Variants in CDYL observed in about 807,000 individuals in gnomAD.
CDYL encodes the protein chromodomain Y-like protein.
CDYL carries 8 observed loss-of-function variants against 47.3 expected under a neutral mutation model. The ratio of observed to expected loss-of-function variants is 0.17; its 90% CI spans 0.10 to 0.31. The LOEUF (loss-of-function observed/expected upper bound fraction) is 0.31, where lower values mean the gene tolerates loss of function less well. CDYL is among the 10% of genes least tolerant of loss of function. CDYL has a pLI of 1.00. For synonymous variants in CDYL, 266 were observed against 265.0 expected (o/e 1.00, Z -0.04); for missense variants, 471 against 701.4 (o/e 0.67, Z 3.71).
At chr6:4,862,016 C>T (rs78176873) in intron 1 of CDYL, among the ~76,000 whole-genome samples, 2,073 of 152,264 alleles carry the variant, frequency 0.014, 115 homozygotes, top group Admixed American at 0.098. Flanking sequence ...TAAAGGGACC[C>T]TGCCTCCTCC....
At chr6:4,941,578 A>C (rs1017006177) in intron 4 of CDYL, among the ~76,000 whole-genome samples, 1 of 152,232 alleles carries the variant, frequency 6.6e-6, no homozygotes, top group African/African-American at 2.4e-5. Flanking sequence ...TGAAGTCACC[A>C]TTCCAGGCAA....
At chr6:4,853,407 A>G (rs1168333772) in intron 1 of CDYL, among the ~76,000 whole-genome samples, 1 of 152,202 alleles carries the variant, frequency 6.6e-6, no homozygotes, top group Non-Finnish European at 1.5e-5. Context: ...CTGCATCTGA[A>G]TCCAGGACTT....
At chr6:4,777,121 C>A (rs1459175219) in intron 1 of CDYL, among the ~76,000 whole-genome samples, 1 of 147,216 alleles carries the variant, frequency 6.8e-6, no homozygotes, top group Non-Finnish European at 1.5e-5. Context: ...GGAAGTGGTG[C>A]CTCCGTTGCC....
At chr6:4,711,130 GTCTC>G (rs770356443) in intron 1 of CDYL, among the ~76,000 whole-genome samples, 10 of 152,106 alleles carry the variant, frequency 6.6e-5, no homozygotes, top group Non-Finnish European at 1.2e-4. Flanking sequence ...CCATGCACTT[GTCTC>G]TCTAAGATCA....
intron 2 of CDYL, among the ~76,000 whole-genome samples, chr6:4,927,462 T>TGTG (rs1554108581): frequency 1.3e-5 from 2 of 151,050 alleles, no homozygotes; most frequent in Admixed American, 6.6e-5. Flanking sequence ...TGTGTGTGTC[T>TGTG]TTTGAGACGG....
intron 1 of CDYL, among the ~76,000 whole-genome samples, chr6:4,885,595 A>G (rs1456261884): frequency 6.6e-6 from 1 of 152,330 alleles, no homozygotes; most frequent in Non-Finnish European, 1.5e-5. Flanking sequence ...GCCAGCATCC[A>G]TGAAAATGTC....
At chr6:4,900,976 G>A (rs1231671138) in intron 2 of CDYL, among the ~76,000 whole-genome samples, 2 of 150,426 alleles carry the variant, frequency 1.3e-5, no homozygotes, top group African/African-American at 2.5e-5. Context: ...CTAAAAAGAG[G>A]TCCATGATTC....
Position 4,943,563 on chromosome 6 carries a change from T to A in CDYL, c.1139T>A (p.Phe380Tyr), listed in dbSNP as rs1240805062. 6.2e-7 allele frequency: 1 copy of A among 1,605,572 alleles called. No individual in the cohort carries two copies. Residue 380 changes from phenylalanine to tyrosine, a missense_variant, in exon 5 of 7, where the codon TTC (phenylalanine) becomes TAC (tyrosine). Physicochemically the swap from Phe to Tyr is conservative, Grantham distance 22 (BLOSUM62 3). Coordinates refer to ENST00000397588, the MANE Select transcript of CDYL (RefSeq NM_004824.4). ...CATTTTAGAAACTTCGTGAATACTT[T>A]CATTCAATTTAAGAAGCCCATTATT... ...AEAIRNFVNT[F>Y]IQFKKPIIVA...
At chr6:4,811,981 G>A (rs1759541248) in intron 1 of CDYL, among the ~76,000 whole-genome samples, 1 of 152,076 alleles carries the variant, frequency 6.6e-6, no homozygotes, top group African/African-American at 2.4e-5. Flanking sequence ...TCTGCAGGGT[G>A]GTCCATGGAC....
upstream of CDYL, among the ~76,000 whole-genome samples, chr6:4,773,993 G>A (rs987817434): frequency 2.0e-5 from 3 of 152,160 alleles, no homozygotes; most frequent in African/African-American, 7.2e-5. This position sits in a 1 kb window ranked among gnomAD's most constrained non-coding sequence, Gnocchi z 4.6. Context: ...TATGTTTGTT[G>A]TGGATGTCTA....
chr6:4,900,792 T>G (rs1265876134), intron 2 of CDYL, among the ~76,000 whole-genome samples: 12 of 55,796 alleles, frequency 2.2e-4, no homozygotes, highest in African/African-American at 8.4e-4. Context: ...TATATATATA[T>G]ATATATATAT....
chr6:4,764,768 G>A (rs9504244), intron 3 of CDYL, among the ~76,000 whole-genome samples: 26,754 of 152,092 alleles, frequency 0.18, 3,250 homozygotes, highest in African/African-American at 0.34. Context: ...CAAATTCATA[G>A]TCATGTTGGG....
intron 1 of CDYL, among the ~76,000 whole-genome samples, chr6:4,806,908 C>T (rs1759385753): frequency 6.6e-6 from 1 of 152,204 alleles, no homozygotes; most frequent in South Asian, 2.1e-4. Flanking sequence ...ACATTTGTTT[C>T]CTCACTGTTT....
chr6:4,870,470 A>G (rs1392423835), intron 1 of CDYL, among the ~76,000 whole-genome samples: 1 of 152,168 alleles, frequency 6.6e-6, no homozygotes. Context: ...TTTAAGTAAT[A>G]TATGTCTAAG....
At chr6:4,852,336 C>CTCCTTCCTTCCTTCCAATCT (rs1391753616) in intron 1 of CDYL, among the ~76,000 whole-genome samples, 1 of 139,138 alleles carries the variant, frequency 7.2e-6, no homozygotes, top group African/African-American at 2.8e-5. Flanking sequence ...CCTTCCTTCC[C>CTCCTTCCTTCCTTCCAATCT]TCCTTCCTTC....
chr6:4,952,219 C>T (rs1221308245), intron 5 of CDYL, 47 bp from the exon 6 acceptor site: 1 of 1,590,324 alleles, frequency 6.3e-7, no homozygotes, highest in Non-Finnish European at 8.6e-7. Context: ...TCTTCCCCGC[C>T]CGCCTCCCAC....
intron 3 of CDYL, among the ~76,000 whole-genome samples, chr6:4,748,912 T>TA (rs1449838404): frequency 1.3e-5 from 2 of 152,196 alleles, no homozygotes; most frequent in Non-Finnish European, 2.9e-5. Flanking sequence ...GTAAACATCT[T>TA]ACCTCCTATA....
chr6:4,842,165 TTA>T (rs1000118158), intron 1 of CDYL, among the ~76,000 whole-genome samples: 88 of 141,512 alleles, frequency 6.2e-4, no homozygotes, highest in Non-Finnish European at 1.2e-3. Context: ...TATAAATATA[TTA>T]TATTATATAA....
intron 3 of CDYL, among the ~76,000 whole-genome samples, chr6:4,742,094 C>G (rs1003114065): frequency 5.9e-5 from 9 of 152,182 alleles, no homozygotes; most frequent in Admixed American, 5.2e-4. Context: ...GGTGTGGTGG[C>G]TCATGCCTCT....
Sources: gnomAD v4.1 joint callset for allele counts (sites outside exome capture counted in the v4.1 genomes callset) on GRCh38, gnomAD v4.1.1 for gene constraint, Gnocchi (gnomAD v3.1) non-coding constraint, MANE v1.5 for transcripts, NCBI Gene and HGNC (gene_info 2026-07-23, HGNC 2026-07-21) for gene names.